BAZ2B: variants seen among roughly 807,000 people sequenced by gnomAD.
BAZ2B encodes bromodomain adjacent to zinc finger domain 2B, also known as bromodomain adjacent to zinc finger domain protein 2B.
A neutral mutation model predicts 246.0 loss-of-function variants in BAZ2B; 91 were observed. The observed-to-expected ratio is 0.37, with a 90% CI of 0.31 to 0.44. The LOEUF (loss-of-function observed/expected upper bound fraction) is 0.44, where lower values mean the gene tolerates loss of function less well. Among genes scored for constraint, BAZ2B ranks in the 20% least tolerant of loss-of-function variants. BAZ2B has a pLI of 1.00. For synonymous variants in BAZ2B, 855 were observed against 860.0 expected, an observed-to-expected ratio of 0.99 and a Z score of 0.10; for missense variants, 2,332 against 2,533.7, an observed-to-expected ratio of 0.92 and a Z score of 1.71.
rs1575903382 is a variant in BAZ2B, at chr2:159,350,184, G to C, written c.4387C>G (p.Pro1463Ala). The change falls in exon 28 of 37, where the codon CCT becomes GCT. Residue 1463 changes from proline (P) to alanine (A), a missense_variant. Pro to Ala is a conservative substitution (Grantham distance 27, BLOSUM62 -1). Around this residue, in one of 9 missense-constraint regions of BAZ2B, gnomAD observed 676 missense variants for 668.6 expected, o/e 1.01. Coordinates refer to ENST00000392783, the MANE Select transcript of BAZ2B (RefSeq NM_013450.4). ...KDNTNLFLQKPGSFSKLSKLL... is the reference protein window; with the variant it reads ...KDNTNLFLQKAGSFSKLSKLL... ...TTGCTTAATTTGGAAAAAGAGCCAG[G>C]TTTCTGAAGGAATAGATTTGTGTTA... 6.8e-6 allele frequency: 11 copies of C among 1,614,018 alleles called. No homozygotes were observed. The highest frequency in any genetic ancestry group is 8.5e-6 in the Non-Finnish European group (10 of 1,179,964).
intron 34 of BAZ2B, among the ~76,000 whole-genome samples, chr2:159,326,496 T>C (rs1272604044): frequency 1.3e-5 from 2 of 152,100 alleles, no homozygotes; most frequent in African/African-American, 2.4e-5. Flanking sequence ...TTCCCAGGTG[T>C]GAACAAAGCA....
chr2:159,574,600 A>G (rs1684845070), intron 1 of BAZ2B, among the ~76,000 whole-genome samples: 1 of 152,206 alleles, frequency 6.6e-6, no homozygotes, highest in African/African-American at 2.4e-5. Flanking sequence ...TGTTCACAGC[A>G]ACATTATTCA....
At chr2:159,486,852 G>C (rs2079895591) in intron 2 of BAZ2B, among the ~76,000 whole-genome samples, 1 of 151,942 alleles carries the variant, frequency 6.6e-6, no homozygotes, top group South Asian at 2.1e-4. Flanking sequence ...TGTTCAAAAA[G>C]AAAGAGGTAG....
chr2:159,399,652 CG>C (rs1280340279), intron 17 of BAZ2B, among the ~76,000 whole-genome samples: 1 of 151,912 alleles, frequency 6.6e-6, no homozygotes, highest in Non-Finnish European at 1.5e-5. Flanking sequence ...TTTCAATTTC[CG>C]GTTTTTAAAA....
intron 34 of BAZ2B, among the ~76,000 whole-genome samples, chr2:159,330,602 T>C (rs1461993187): frequency 6.6e-6 from 1 of 152,104 alleles, no homozygotes; most frequent in African/African-American, 2.4e-5. Flanking sequence ...GTCTCACACC[T>C]GTAATCCCAG....
chr2:159,630,869 T>G, the BAZ2B span, among the ~76,000 whole-genome samples: 57 of 152,218 alleles, frequency 3.7e-4, 1 homozygote, highest in East Asian at 0.011. Context: ...ATTGGTGGTG[T>G]TATTGTAACA....
Position 159,432,762 on chromosome 2 carries a change from T to G in BAZ2B, c.1895A>C (p.Gln632Pro). Residue 632 changes from glutamine (Q) to proline (P), a missense_variant, in exon 9 of 37, where the codon CAA (glutamine) becomes CCA (proline). Transcript: ENST00000392783. ...DDEDDESDDS[Q>P]SESDSNSESD... ...AATTTTAAAATGAAAATAACCTGAT[T>G]GGCTGTCATCAGATTCATCATCTTC... The G allele has an allele frequency of 6.2e-7, 1 of 1,609,666 alleles. No homozygotes were observed. Among genetic ancestry groups the G allele is most frequent in the Non-Finnish European group, 8.5e-7 (1 of 1,176,604 alleles).
the BAZ2B span, among the ~76,000 whole-genome samples, chr2:159,703,225 T>C: frequency 6.7e-6 from 1 of 150,336 alleles, no homozygotes; most frequent in Non-Finnish European, 1.5e-5. Flanking sequence ...GTAGCTTGGA[T>C]TATAGGCTCC....
the BAZ2B span, among the ~76,000 whole-genome samples, chr2:159,653,789 A>G: frequency 6.7e-4 from 102 of 152,336 alleles, no homozygotes; most frequent in African/African-American, 2.2e-3. Flanking sequence ...TAAAAGATTT[A>G]ACATGAAACA....
chr2:159,408,669 A>C (rs1165717189), intron 14 of BAZ2B, among the ~76,000 whole-genome samples: 1 of 152,226 alleles, frequency 6.6e-6, no homozygotes, highest in Non-Finnish European at 1.5e-5. Context: ...CTGTAATCCC[A>C]GCACTTTGGG....
At chr2:159,590,433 T>C (rs1280009839) in intron 1 of BAZ2B, among the ~76,000 whole-genome samples, 2 of 151,306 alleles carry the variant, frequency 1.3e-5, no homozygotes, top group Non-Finnish European at 2.9e-5. Flanking sequence ...CTACTAAAAA[T>C]ACAAAAAATT....
chr2:159,351,052 T>C (rs1559067243), intron 27 of BAZ2B, among the ~76,000 whole-genome samples: 1 of 151,800 alleles, frequency 6.6e-6, no homozygotes, highest in South Asian at 2.1e-4. Flanking sequence ...AAACTTAAAG[T>C]ATAATAATAA....
intron 2 of BAZ2B, among the ~76,000 whole-genome samples, chr2:159,485,724 C>A (rs1216227227): frequency 6.6e-6 from 1 of 152,072 alleles, no homozygotes; most frequent in Non-Finnish European, 1.5e-5. Flanking sequence ...CAACAAAAAA[C>A]ACACACAAAA....
intron 1 of BAZ2B, among the ~76,000 whole-genome samples, chr2:159,605,333 G>A (rs1693219420): frequency 6.6e-6 from 1 of 152,074 alleles, no homozygotes; most frequent in South Asian, 2.1e-4. Flanking sequence ...ACTGCACCTG[G>A]CTTGATAAGT....
At chr2:159,397,163 T>C in intron 19 of BAZ2B, 182 bp downstream of exon 19, 2 of 1,446,752 alleles carry the variant, frequency 1.4e-6, no homozygotes, top group South Asian at 2.5e-5. Flanking sequence ...AACCAATTTT[T>C]TAACCCCCCA....
intron 13 of BAZ2B, among the ~76,000 whole-genome samples, chr2:159,415,184 T>C (rs2067466636): frequency 6.6e-6 from 1 of 152,040 alleles, no homozygotes; most frequent in East Asian, 1.9e-4. Context: ...CAGTGGCTCA[T>C]GCCTATAACA....
the BAZ2B span, among the ~76,000 whole-genome samples, chr2:159,672,563 T>C: frequency 2.6e-5 from 4 of 152,228 alleles, no homozygotes; most frequent in Non-Finnish European, 5.9e-5. Flanking sequence ...TTGCCAGTGA[T>C]GCTAACCAGA....
chr2:159,398,796 A>G lies in BAZ2B; in HGVS notation c.2964+33T>C, dbSNP rs758517963. ...TATAACATATAGTTTTTATTTTTCA[A>G]AAATAAAAACTCTGATTCTCATCTA... On this transcript the variant is annotated intron_variant, in intron 18 of 36. Coordinates refer to ENST00000392783, the MANE Select transcript of BAZ2B (RefSeq NM_013450.4). 4 of 1,583,002 alleles carry G rather than the reference A, an allele frequency of 2.5e-6. No homozygotes were observed. In the South Asian group the frequency reaches 4.6e-5, roughly 18 times the overall value.
intron 2 of BAZ2B, among the ~76,000 whole-genome samples, chr2:159,546,752 A>C (rs971352898): frequency 6.6e-6 from 1 of 151,946 alleles, no homozygotes; most frequent in Non-Finnish European, 1.5e-5. Context: ...TTATATTAAC[A>C]TTGAAATTTT....
Sources: gnomAD v4.1 joint callset for allele counts (sites outside exome capture counted in the v4.1 genomes callset) on GRCh38, gnomAD v4.1.1 for gene constraint, gnomAD v4.1.1 regional missense constraint, MANE v1.5 for transcripts, NCBI Gene and HGNC (gene_info 2026-07-23, HGNC 2026-07-21) for gene names.